Variants in GOLGA8B observed in about 807,000 individuals in gnomAD.
The protein encoded by GOLGA8B is golgin subfamily A member 8B.
A neutral mutation model predicts 15.6 loss-of-function variants in GOLGA8B; 1 was observed. The ratio of observed to expected loss-of-function variants is 0.06; its 90% CI spans 0.02 to 0.30. The LOEUF is 0.30. GOLGA8B is among the 10% of genes least tolerant of loss of function. The pLI is 1.00. For missense variants in GOLGA8B, 17 were observed against 201.3 expected (o/e 0.08, Z 5.54); for synonymous variants, 9 against 80.3 (o/e 0.11, Z 4.75).
Position 34,526,032 on chromosome 15 carries a change from T to G in GOLGA8B, c.*1600A>C, listed in dbSNP as rs545098791. On this transcript the variant is annotated 3_prime_UTR_variant, in exon 24 of 24. Coordinates refer to ENST00000683415, the MANE Select transcript of GOLGA8B (RefSeq NM_001023567.5). ...TTCCCAAGCATCATCAAGTTATGAT[T>G]TAGGCAATGTATGATTGAAATGCAT... is the stretch of plus-strand genomic sequence containing the variant. 1 of 149,686 alleles carries G rather than the reference T, an allele frequency of 6.7e-6. No homozygotes were observed. Among genetic ancestry groups the G allele is most frequent in the South Asian group, 2.1e-4 (1 of 4,658 alleles). The allele number at this position is 149,686 out of a possible 1,614,324, so 9.3% of individuals were successfully genotyped here.
At chr15:34,579,322 G>T (rs1889167062) in intron 1 of GOLGA8B, among the ~76,000 whole-genome samples, 1 of 152,036 alleles carries the variant, frequency 6.6e-6, no homozygotes, top group Non-Finnish European at 1.5e-5. Flanking sequence ...AAGCAGAGTG[G>T]CTGAGAGCCC....
At chr15:34,567,504 C>T (rs537880310) in intron 1 of GOLGA8B, among the ~76,000 whole-genome samples, 53 of 151,838 alleles carry the variant, frequency 3.5e-4, no homozygotes, top group African/African-American at 7.5e-4. Context: ...AGAAGAAAAT[C>T]GGCTATTGTG....
intron 1 of GOLGA8B, among the ~76,000 whole-genome samples, chr15:34,569,901 C>T (rs1206611485): frequency 1.3e-5 from 2 of 152,154 alleles, no homozygotes; most frequent in East Asian, 3.9e-4. Context: ...ATTCCAGGGC[C>T]TCCCCTGGGG....
chr15:34,570,234 G>T (rs2140350502), intron 1 of GOLGA8B, among the ~76,000 whole-genome samples: 1 of 149,978 alleles, frequency 6.7e-6, no homozygotes, highest in East Asian at 2.0e-4. Context: ...GACAGCACCT[G>T]AGGAGACCCT....
At chr15:34,575,901 G>T (rs1291242663) in intron 1 of GOLGA8B, among the ~76,000 whole-genome samples, 2 of 152,210 alleles carry the variant, frequency 1.3e-5, no homozygotes, top group Admixed American at 6.5e-5. Context: ...TATAGTAGCT[G>T]CTTGGAAAAT....
intron 1 of GOLGA8B, among the ~76,000 whole-genome samples, chr15:34,570,135 G>T (rs1009028844): frequency 2.0e-5 from 3 of 152,070 alleles, no homozygotes; most frequent in East Asian, 3.9e-4. Context: ...CTGCCTGGGG[G>T]TCCTCACGTT....
intron 1 of GOLGA8B, among the ~76,000 whole-genome samples, chr15:34,574,318 T>TG (rs1889008820): frequency 7.2e-6 from 1 of 138,104 alleles, no homozygotes; most frequent in Non-Finnish European, 1.6e-5. Flanking sequence ...TTTTTTTTTT[T>TG]TGAGAGAGAG....
At chr15:34,554,241 CA>C (rs1170193910) in intron 1 of GOLGA8B, among the ~76,000 whole-genome samples, 1 of 152,214 alleles carries the variant, frequency 6.6e-6, no homozygotes, top group Admixed American at 6.5e-5. Context: ...CCTGAGCTGC[CA>C]GGGGCCTGGC....
intron 1 of GOLGA8B, among the ~76,000 whole-genome samples, chr15:34,581,800 T>G (rs1432429628): frequency 6.6e-6 from 1 of 152,034 alleles, no homozygotes; most frequent in Admixed American, 6.5e-5. Context: ...AGCCAGACAG[T>G]GGGGACGGGC....
chr15:34,573,207 T>C (rs1198664415), intron 1 of GOLGA8B, among the ~76,000 whole-genome samples: 7 of 152,146 alleles, frequency 4.6e-5, no homozygotes, highest in Non-Finnish European at 1.0e-4. Context: ...CTTCTCAGTA[T>C]TGGAGAATAA....
intron 1 of GOLGA8B, among the ~76,000 whole-genome samples, chr15:34,568,928 C>T (rs1453213898): frequency 2.0e-5 from 3 of 147,066 alleles, no homozygotes; most frequent in African/African-American, 2.7e-5. Context: ...TGTACGCTCG[C>T]GCTCGTGCGC....
intron 1 of GOLGA8B, among the ~76,000 whole-genome samples, chr15:34,581,092 G>A (rs1297506576): frequency 6.6e-6 from 1 of 152,218 alleles, no homozygotes; most frequent in East Asian, 1.9e-4. Context: ...GCAGGGCCTC[G>A]ATCCCCACCG....
rs567674146 is a variant in GOLGA8B, at chr15:34,525,183, A to T, written c.*2449T>A. On this transcript the variant is annotated 3_prime_UTR_variant, in exon 24 of 24. Coordinates refer to ENST00000683415, the MANE Select transcript of GOLGA8B (RefSeq NM_001023567.5). ...CAATTTTGTGAAAATGAAACAGATTATCTCATGCCAAGCATGCCCAGTATT... is the reference window on the plus strand; with the variant it reads ...CAATTTTGTGAAAATGAAACAGATTTTCTCATGCCAAGCATGCCCAGTATT... 7 of 150,152 alleles carry T rather than the reference A, an allele frequency of 4.7e-5. 1 individual carries two copies. Among genetic ancestry groups the T allele is most frequent in the Admixed American group, 2.7e-4 (4 of 14,790 alleles). The allele number at this position is 150,152 out of a possible 1,614,324, so 9.3% of individuals were successfully genotyped here. A position where few individuals can be genotyped will look rare whatever the true frequency, so the allele number is the denominator to read the frequency against.
chr15:34,562,226 A>AG, intron 1 of GOLGA8B, among the ~76,000 whole-genome samples: 1 of 26,740 alleles, frequency 3.7e-5, no homozygotes, highest in East Asian at 5.9e-4. Flanking sequence ...TTTCTCCAAG[A>AG]GGATAGTCAG....
In GOLGA8B at chr15:34,583,515, C is replaced by T. The variant is rs1348121737; in HGVS notation, c.-1123+1G>A. Reference sequence around the variant, plus strand: ...CAGGCAGCCAAGGTTCCCCAGCTTACCTGGCCAGGGCGCGGGGCTGCCCCG... The same window carrying T: ...CAGGCAGCCAAGGTTCCCCAGCTTATCTGGCCAGGGCGCGGGGCTGCCCCG... On this transcript the variant is annotated splice_donor_variant, in intron 1 of 23. Transcript: ENST00000683415. LOFTEE classifies it low-confidence loss of function (5UTR_SPLICE). 2.1e-5 allele frequency: 3 copies of T among 139,810 alleles called. No homozygotes were observed. Among genetic ancestry groups the T allele is most frequent in the Non-Finnish European group, 3.0e-5 (2 of 65,660 alleles). 8.7% of individuals were successfully genotyped at this position (139,810 alleles called of 1,614,324 possible). A position where few individuals can be genotyped will look rare whatever the true frequency, so the allele number is the denominator to read the frequency against.
At chr15:34,582,239 G>A (rs186017917) in intron 1 of GOLGA8B, among the ~76,000 whole-genome samples, 5 of 152,300 alleles carry the variant, frequency 3.3e-5, no homozygotes, top group Admixed American at 3.3e-4. Flanking sequence ...TCACTGGAGG[G>A]ACCCTGACCC....
chr15:34,543,285 C>T (rs1177694842), intron 7 of GOLGA8B, among the ~76,000 whole-genome samples: 2 of 142,560 alleles, frequency 1.4e-5, no homozygotes, highest in Non-Finnish European at 3.1e-5. Flanking sequence ...GTGATCCTCC[C>T]ACCTCAGCCT....
chr15:34,532,990 A>ATTAGGGC, intron 10 of GOLGA8B, 28 bp from the exon 11 acceptor site: 1 of 772,594 alleles, frequency 1.3e-6, no homozygotes, highest in Non-Finnish European at 1.9e-6. Flanking sequence ...GAGAACGATC[A>ATTAGGGC]TTAGGGCTGG....
In GOLGA8B at chr15:34,525,923, A is replaced by G. The variant is rs1059895; in HGVS notation, c.*1709T>C. The G allele has an allele frequency of 1.3e-5, 2 of 148,368 alleles. No homozygotes were observed. The highest frequency in any genetic ancestry group is 5.0e-5 in the African/African-American group (2 of 40,060). 9.2% of individuals were successfully genotyped at this position (148,368 alleles called of 1,614,324 possible). A position where few individuals can be genotyped will look rare whatever the true frequency, so the allele number is the denominator to read the frequency against. The stretch of plus-strand genomic sequence containing the variant: ...AAACTCCCCACCCCAGGGAGCACAC[A>G]TACATATCTCCCTACAACCTAATAA... On this transcript the variant is annotated 3_prime_UTR_variant, in exon 24 of 24. Transcript: ENST00000683415.
Sources: gnomAD v4.1 joint callset for allele counts (sites outside exome capture counted in the v4.1 genomes callset) on GRCh38, gnomAD v4.1.1 for gene constraint, MANE v1.5 for transcripts, NCBI Gene and HGNC (gene_info 2026-07-23, HGNC 2026-07-21) for gene names.